The following R3HCC1L variants were observed in gnomAD, a reference collection of about 807,000 sequenced individuals.
The protein encoded by R3HCC1L is R3H domain and coiled-coil containing 1 like.
R3HCC1L carries 51 observed loss-of-function variants against 59.9 expected under a neutral mutation model. That is an observed-to-expected ratio of 0.85 (90% CI 0.68 to 1.07). The LOEUF is 1.07. R3HCC1L is among the 50% of genes least tolerant of loss of function. The pLI, the probability that R3HCC1L is intolerant of heterozygous loss-of-function variation, is 0.00. For missense variants in R3HCC1L, 965 were observed against 933.0 expected (o/e 1.03, Z -0.45); for synonymous variants, 322 against 315.2 (o/e 1.02, Z -0.23).
chr10:98,241,996 A>G (rs1442505642), intron 9 of R3HCC1L, among the ~76,000 whole-genome samples: 1 of 152,092 alleles, frequency 6.6e-6, no homozygotes, highest in African/African-American at 2.4e-5. Flanking sequence ...TACTCTTACT[A>G]GTTTTTTCAT....
chr10:98,149,029 G>T (rs116645220), intron 1 of R3HCC1L, among the ~76,000 whole-genome samples: 5,445 of 152,148 alleles, frequency 0.036, 295 homozygotes, highest in African/African-American at 0.12. Flanking sequence ...TTTTATTACG[G>T]CTTCAATCTG....
chr10:98,143,288 A>C (rs1845345299), intron 1 of R3HCC1L, among the ~76,000 whole-genome samples: 1 of 152,232 alleles, frequency 6.6e-6, no homozygotes, highest in Admixed American at 6.5e-5. Context: ...TTATATGATC[A>C]GTAATTCTCT....
At chr10:98,216,520 A>G (rs995700573) in intron 5 of R3HCC1L, among the ~76,000 whole-genome samples, 10 of 152,128 alleles carry the variant, frequency 6.6e-5, no homozygotes, top group African/African-American at 1.4e-4. Flanking sequence ...CTCAACATAC[A>G]TGTATTTGTT....
intron 4 of R3HCC1L, among the ~76,000 whole-genome samples, chr10:98,166,790 C>T (rs1590505808): frequency 2.0e-5 from 3 of 152,202 alleles, no homozygotes; most frequent in East Asian, 1.9e-4. Context: ...CTCAGCCTCC[C>T]GAGTAGCTGG....
chr10:98,140,646 A>T (rs956364107), intron 1 of R3HCC1L, among the ~76,000 whole-genome samples: 5 of 152,176 alleles, frequency 3.3e-5, no homozygotes, highest in African/African-American at 1.2e-4. Context: ...TTTGTCTGTT[A>T]TTTGAGAAGA....
chr10:98,189,236 G>A (rs953215401), intron 4 of R3HCC1L, among the ~76,000 whole-genome samples: 1 of 152,046 alleles, frequency 6.6e-6, no homozygotes, highest in Non-Finnish European at 1.5e-5. Context: ...TAAAAATCAG[G>A]TACTCTACTA....
intron 5 of R3HCC1L, among the ~76,000 whole-genome samples, chr10:98,229,738 A>G (rs1259054146): frequency 2.6e-5 from 4 of 152,152 alleles, no homozygotes; most frequent in Non-Finnish European, 5.9e-5. Flanking sequence ...GGCTCTTATT[A>G]TTTTGAGATA....
At chr10:98,225,187 C>T (rs1266440783) in intron 5 of R3HCC1L, among the ~76,000 whole-genome samples, 2 of 152,144 alleles carry the variant, frequency 1.3e-5, no homozygotes, top group Non-Finnish European at 2.9e-5. Flanking sequence ...TTGGACAGTT[C>T]AGGCCTACTG....
At chr10:98,178,676 A>C (rs1849301810) in intron 4 of R3HCC1L, among the ~76,000 whole-genome samples, 1 of 152,094 alleles carries the variant, frequency 6.6e-6, no homozygotes, top group Non-Finnish European at 1.5e-5. Context: ...TTTTCACGAT[A>C]CTGATTCTTC....
chr10:98,222,141 A>G (rs893669301), intron 5 of R3HCC1L, among the ~76,000 whole-genome samples: 17 of 152,140 alleles, frequency 1.1e-4, no homozygotes, highest in Non-Finnish European at 4.4e-5. Flanking sequence ...TTTTGAAGCA[A>G]TTGTGAGTGG....
chr10:98,211,938 C>A (rs140002782), intron 5 of R3HCC1L, among the ~76,000 whole-genome samples: 1 of 152,204 alleles, frequency 6.6e-6, no homozygotes, highest in African/African-American at 2.4e-5. Flanking sequence ...ATAAAGAGGA[C>A]ATTGGGATGA....
intron 5 of R3HCC1L, among the ~76,000 whole-genome samples, chr10:98,215,205 C>A (rs939012179): frequency 1.3e-5 from 2 of 151,912 alleles, no homozygotes; most frequent in East Asian, 1.9e-4. Flanking sequence ...AGTGTACAGT[C>A]CTGTGGAATA....
At chr10:98,239,072 G>GC (rs1235712867) in intron 9 of R3HCC1L, among the ~76,000 whole-genome samples, 1 of 152,114 alleles carries the variant, frequency 6.6e-6, no homozygotes, top group Non-Finnish European at 1.5e-5. Context: ...ACTTCTCTGT[G>GC]CCCCCTGGTT....
chr10:98,211,397 A>G, intron 5 of R3HCC1L: 1 of 1,495,772 alleles, frequency 6.7e-7, no homozygotes. Flanking sequence ...ACTGCAAATG[A>G]CTGTCAGCCC....
chr10:98,140,790 A>T (rs1211901424), intron 1 of R3HCC1L, among the ~76,000 whole-genome samples: 1 of 152,220 alleles, frequency 6.6e-6, no homozygotes, highest in Non-Finnish European at 1.5e-5. Flanking sequence ...TCAGCATGCA[A>T]ATATCAAGTC....
At position 98,236,143 on chromosome 10, in the gene R3HCC1L, A is replaced by G; in HGVS notation, c.2248A>G (p.Lys750Glu). The G allele has an allele frequency of 6.2e-7, 1 of 1,613,776 alleles. No homozygotes were observed. The highest frequency in any genetic ancestry group is 8.5e-7 in the Non-Finnish European group (1 of 1,179,774). ...QSKTEREAELKKLQEARERKR... is the reference protein window; with the variant it reads ...QSKTEREAELEKLQEARERKR... ...CAAAACCGAACGAGAAGCAGAGCTCAAGAAACTGCAAGAAGCCAGAGGTGA... is the reference window on the plus strand; with the variant it reads ...CAAAACCGAACGAGAAGCAGAGCTCGAGAAACTGCAAGAAGCCAGAGGTGA... The change falls in exon 9 of 10, where the codon AAG becomes GAG. Residue 750 changes from lysine to glutamate, a missense_variant. By Grantham distance (56) the Lys-to-Glu change is moderately conservative (BLOSUM62 1). Transcript: ENST00000298999.
chr10:98,181,169 C>T (rs184268055), intron 4 of R3HCC1L, among the ~76,000 whole-genome samples: 35 of 152,126 alleles, frequency 2.3e-4, no homozygotes, highest in Admixed American at 7.2e-4. Flanking sequence ...TGGCTGGTAC[C>T]GGTTGTTCCT....
At chr10:98,231,733 T>A in intron 6 of R3HCC1L, 46 bp downstream of exon 6, 9 of 1,464,630 alleles carry the variant, frequency 6.1e-6, no homozygotes, top group Non-Finnish European at 8.3e-6. Flanking sequence ...TGAGATGAAG[T>A]CTTTAAAAAA....
chr10:98,183,114 T>G (rs1287303803), intron 4 of R3HCC1L, among the ~76,000 whole-genome samples: 1 of 152,198 alleles, frequency 6.6e-6, no homozygotes, highest in Non-Finnish European at 1.5e-5. Context: ...TTACCCGTTT[T>G]CTGTGTCAGT....
Sources: gnomAD v4.1 joint callset for allele counts (sites outside exome capture counted in the v4.1 genomes callset) on GRCh38, gnomAD v4.1.1 for gene constraint, MANE v1.5 for transcripts, NCBI Gene and HGNC (gene_info 2026-07-23, HGNC 2026-07-21) for gene names.